Variants in ZRANB3 observed in about 807,000 individuals in gnomAD.
ZRANB3 encodes the protein zinc finger RANBP2-type containing 3, also known as DNA annealing helicase and endonuclease ZRANB3.
Under a neutral mutation model 133.8 loss-of-function variants are expected in ZRANB3, and 125 were observed. That is an observed-to-expected ratio of 0.93 (90% confidence interval 0.81 to 1.08). The LOEUF is 1.08. Ranked by LOEUF, ZRANB3 falls within the 50% of genes least tolerant of loss-of-function variation. ZRANB3 has a pLI of 0.00. For synonymous variants in ZRANB3, 387 were observed against 432.7 expected, an observed-to-expected ratio of 0.89 and a Z score of 1.31; for missense variants, 1,229 against 1,275.5, an observed-to-expected ratio of 0.96 and a Z score of 0.56.
chr2:135,526,681 G>C lies in ZRANB3; in HGVS notation c.-8+4446C>G, dbSNP rs115557258. 9.0e-3 allele frequency among the ~76,000 whole-genome samples: 1,376 copies of C among 152,270 alleles called. 19 individuals carry two copies. Among genetic ancestry groups the C allele is most frequent in the African/African-American group, 0.03 (1,242 of 41,552 alleles). ...AAAATTGTCCTGCAAAGTCTCTTGTGGTTAAAATCCATATTCTATAGTGAA... is the reference window on the plus strand; with the variant it reads ...AAAATTGTCCTGCAAAGTCTCTTGTCGTTAAAATCCATATTCTATAGTGAA... On this transcript the variant is annotated intron_variant, in intron 1 of 20. Transcript: ENST00000264159.
At chr2:135,422,505 G>A (rs945192398) in intron 2 of ZRANB3, among the ~76,000 whole-genome samples, 7 of 151,772 alleles carry the variant, frequency 4.6e-5, no homozygotes, top group South Asian at 2.1e-4. Context: ...GCAGGGGGGC[G>A]GCGGGGGCAT....
chr2:135,416,945 T>C (rs1029883750), intron 2 of ZRANB3, among the ~76,000 whole-genome samples: 17 of 152,134 alleles, frequency 1.1e-4, no homozygotes, highest in African/African-American at 4.1e-4. Flanking sequence ...TTACACCTTA[T>C]ACAAAAATTA....
chr2:135,382,045 G>T (rs565087916), intron 3 of ZRANB3, among the ~76,000 whole-genome samples: 10 of 152,080 alleles, frequency 6.6e-5, no homozygotes, highest in Admixed American at 6.6e-4. Flanking sequence ...AAACTTCTTC[G>T]AGCTAAAGGA....
At chr2:135,300,923 A>C (rs1360779753) in intron 8 of ZRANB3, among the ~76,000 whole-genome samples, 1 of 152,198 alleles carries the variant, frequency 6.6e-6, no homozygotes, top group Non-Finnish European at 1.5e-5. Context: ...GAACCTTTAG[A>C]ATAAATTACA....
chr2:135,288,890 G>A (rs984245964), intron 8 of ZRANB3, among the ~76,000 whole-genome samples: 1 of 151,664 alleles, frequency 6.6e-6, no homozygotes, highest in African/African-American at 2.4e-5. Flanking sequence ...GTGTGTGTGT[G>A]TGTGTGTGTG....
intron 12 of ZRANB3, among the ~76,000 whole-genome samples, chr2:135,247,788 C>A (rs779345068): frequency 2.0e-5 from 3 of 152,302 alleles, no homozygotes; most frequent in Non-Finnish European, 4.4e-5. Context: ...GGGCTAGTCA[C>A]CATGTTTGCT....
At chr2:135,240,295 T>C (rs1053538620) in intron 12 of ZRANB3, among the ~76,000 whole-genome samples, 2 of 152,146 alleles carry the variant, frequency 1.3e-5, no homozygotes, top group South Asian at 4.1e-4. Flanking sequence ...CTGGGCAACA[T>C]GGCAAGACCC....
chr2:135,451,124 C>T (rs182374754), intron 2 of ZRANB3, among the ~76,000 whole-genome samples: 63 of 152,184 alleles, frequency 4.1e-4, no homozygotes, highest in African/African-American at 1.5e-3. Flanking sequence ...TCCTATTTGA[C>T]GAAAGTTAAA....
intron 6 of ZRANB3, among the ~76,000 whole-genome samples, chr2:135,326,354 C>T (rs1683823845): frequency 6.6e-6 from 1 of 152,050 alleles, no homozygotes; most frequent in South Asian, 2.1e-4. Context: ...CATCACCCAA[C>T]CATTTACTGC....
chr2:135,363,478 T>G (rs535481920), intron 3 of ZRANB3, among the ~76,000 whole-genome samples: 4 of 152,250 alleles, frequency 2.6e-5, no homozygotes, highest in Non-Finnish European at 5.9e-5. Flanking sequence ...TTCCATAATT[T>G]TTGTACGTTT....
intron 1 of ZRANB3, among the ~76,000 whole-genome samples, chr2:135,521,091 G>A (rs561288404): frequency 6.6e-6 from 1 of 152,208 alleles, no homozygotes; most frequent in East Asian, 1.9e-4. Flanking sequence ...TTAAGGACAA[G>A]AAAATTTAAA....
intron 2 of ZRANB3, among the ~76,000 whole-genome samples, chr2:135,400,786 A>T (rs1460396291): frequency 6.6e-6 from 1 of 152,218 alleles, no homozygotes; most frequent in African/African-American, 2.4e-5. Flanking sequence ...ACACCGGAAA[A>T]GCAGCCAATG....
At chr2:135,382,493 T>C (rs1457998448) in intron 3 of ZRANB3, among the ~76,000 whole-genome samples, 2 of 151,972 alleles carry the variant, frequency 1.3e-5, no homozygotes, top group Non-Finnish European at 2.9e-5. Context: ...ATACAGAGAA[T>C]GCCACAAAGA....
intron 17 of ZRANB3, among the ~76,000 whole-genome samples, chr2:135,215,144 T>C (rs1045426498): frequency 1.3e-5 from 2 of 152,158 alleles, no homozygotes; most frequent in Non-Finnish European, 2.9e-5. Flanking sequence ...TCTCAAGCTC[T>C]TGACCTCAAG....
intron 12 of ZRANB3, among the ~76,000 whole-genome samples, chr2:135,262,339 A>AT (rs1406622085): frequency 6.6e-6 from 1 of 152,100 alleles, no homozygotes; most frequent in Non-Finnish European, 1.5e-5. Context: ...AAAATAATGT[A>AT]TTTTTATGCA....
In ZRANB3 at chr2:135,313,487, A is replaced by C. The variant is rs1298683354; in HGVS notation, c.966+2T>G. The C allele has an allele frequency of 1.3e-6, 2 of 1,591,854 alleles. No individual in the cohort carries two copies. Among genetic ancestry groups the C allele is most frequent in the East Asian group, 4.5e-5 (2 of 44,644 alleles). ...AATACATGATGGCCCAGCAAAGAGT[A>C]CCTTGGCAATAGCAGTTTGTTTAAA... On this transcript the variant is annotated splice_donor_variant, in intron 8 of 20. Transcript: ENST00000264159. LOFTEE classifies it high-confidence loss of function.
chr2:135,499,416 C>G (rs973085056), intron 2 of ZRANB3, among the ~76,000 whole-genome samples: 2 of 152,016 alleles, frequency 1.3e-5, no homozygotes, highest in Non-Finnish European at 2.9e-5. Flanking sequence ...AAAACACAAC[C>G]TGAGAAAATT....
chr2:135,521,071 T>C (rs2104842530), intron 1 of ZRANB3, among the ~76,000 whole-genome samples: 1 of 152,336 alleles, frequency 6.6e-6, no homozygotes, highest in Non-Finnish European at 1.5e-5. Context: ...TAAATATAAT[T>C]ATCCTCACGT....
At chr2:135,323,126 C>A (rs953958047) in intron 6 of ZRANB3, among the ~76,000 whole-genome samples, 1 of 151,840 alleles carries the variant, frequency 6.6e-6, no homozygotes, top group Non-Finnish European at 1.5e-5. Flanking sequence ...GTAAGTTTAA[C>A]TTTATAAACA....
Sources: allele counts gnomAD v4.1 joint callset (sites outside exome capture counted in the v4.1 genomes callset), GRCh38; gene constraint gnomAD v4.1.1; transcripts MANE v1.5; gene names NCBI Gene and HGNC (gene_info 2026-07-23, HGNC 2026-07-21).